Variants in CNTN3 observed in about 807,000 individuals in gnomAD.
CNTN3 encodes contactin-3.
A neutral mutation model predicts 119.1 loss-of-function variants in CNTN3; 60 were observed. That is an observed-to-expected ratio of 0.50 (90% CI 0.41 to 0.62). The LOEUF (loss-of-function observed/expected upper bound fraction) is 0.62, where lower values mean the gene tolerates loss of function less well. Among genes scored for constraint, CNTN3 ranks in the 20% least tolerant of loss-of-function variants. The pLI is 0.00. For missense variants in CNTN3, 1,101 were observed against 1,242.4 expected (o/e 0.89, Z 1.71); for synonymous variants, 450 against 438.7 (o/e 1.03, Z -0.32).
At chr3:74,544,702 G>A (rs1020416353) in intron 1 of CNTN3, among the ~76,000 whole-genome samples, 3 of 152,182 alleles carry the variant, frequency 2.0e-5, no homozygotes, top group East Asian at 1.9e-4. Flanking sequence ...AGGTTCAAGC[G>A]ATTCTCCTGC....
In CNTN3 at chr3:74,334,870, A is replaced by G; in HGVS notation, c.1533T>C (p.Val511=). ...RITLAPSNMD[V]SVGESVILPC... Reference sequence around the variant, plus strand: ...GCAATATGACGCTTTCACCAACAGAAACATCCATGTTAGATGGTGCCAAAG... The same window carrying G: ...GCAATATGACGCTTTCACCAACAGAGACATCCATGTTAGATGGTGCCAAAG... The change falls in exon 13 of 23, where the codon GTT becomes GTC. Residue 511 remains valine, a synonymous_variant. Coordinates refer to ENST00000263665, the MANE Select transcript of CNTN3 (RefSeq NM_020872.3). 1 of 1,613,612 alleles carries G rather than the reference A, an allele frequency of 6.2e-7. No individual in the cohort carries two copies. The highest frequency in any genetic ancestry group is 8.5e-7 in the Non-Finnish European group (1 of 1,179,700).
At chr3:74,575,704 G>A (rs532605920) in intron 1 of CNTN3, among the ~76,000 whole-genome samples, 2 of 151,476 alleles carry the variant, frequency 1.3e-5, no homozygotes, top group East Asian at 3.9e-4. Flanking sequence ...ATATTTGGGG[G>A]AAGACATCAA....
At chr3:74,466,133 C>A (rs574240757) in intron 4 of CNTN3, among the ~76,000 whole-genome samples, 4 of 152,222 alleles carry the variant, frequency 2.6e-5, no homozygotes, top group African/African-American at 9.6e-5. Context: ...CAAAAAGATG[C>A]TGTCAGAAGG....
intron 4 of CNTN3, among the ~76,000 whole-genome samples, chr3:74,451,691 A>G (rs1318736342): frequency 1.3e-5 from 2 of 151,296 alleles, no homozygotes; most frequent in Admixed American, 1.3e-4. Flanking sequence ...TGATTTTTGT[A>G]TAAGGTGTAA....
Position 74,346,654 on chromosome 3 carries a change from G to A in CNTN3, c.1365-9996C>T, listed in dbSNP as rs187780226. On this transcript the variant is annotated intron_variant, in intron 11 of 22. Coordinates refer to ENST00000263665, the MANE Select transcript of CNTN3 (RefSeq NM_020872.3). The stretch of plus-strand genomic sequence containing the variant: ...GTCCTCTCCAGGGATCACAATATAG[G>A]AGGCAGAAATCATCATTACCAATCT... Among the ~76,000 whole-genome samples, 466 of 152,138 alleles carry A rather than the reference G, an allele frequency of 3.1e-3. 2 individuals carry two copies. The highest frequency in any genetic ancestry group is 4.2e-3 in the Non-Finnish European group (289 of 68,014).
At chr3:74,518,308 T>C (rs1703485066) in intron 2 of CNTN3, among the ~76,000 whole-genome samples, 1 of 151,970 alleles carries the variant, frequency 6.6e-6, no homozygotes, top group Admixed American at 6.6e-5. Flanking sequence ...ATTTAAATGG[T>C]ATAAATGAAA....
intron 3 of CNTN3, among the ~76,000 whole-genome samples, chr3:74,488,176 G>A (rs191748344): frequency 1.3e-5 from 2 of 151,740 alleles, no homozygotes; most frequent in African/African-American, 4.8e-5. Flanking sequence ...TAGGTGGTGC[G>A]ATCTCAGCTC....
intron 4 of CNTN3, among the ~76,000 whole-genome samples, chr3:74,479,853 G>A (rs1291881670): frequency 1.3e-5 from 2 of 152,036 alleles, no homozygotes; most frequent in Non-Finnish European, 2.9e-5. Flanking sequence ...CAGAATATCT[G>A]ATTACATCTC....
intron 1 of CNTN3, among the ~76,000 whole-genome samples, chr3:74,552,933 A>G (rs1389477114): frequency 6.6e-6 from 1 of 150,890 alleles, no homozygotes; most frequent in African/African-American, 2.4e-5. Flanking sequence ...ATTAAACCTC[A>G]CTCCTTTCTT....
intron 11 of CNTN3, among the ~76,000 whole-genome samples, chr3:74,336,920 T>C (rs1442594371): frequency 1.3e-5 from 2 of 152,224 alleles, no homozygotes; most frequent in East Asian, 3.9e-4. Flanking sequence ...GCATTACTTA[T>C]TACACCAAAG....
chr3:74,524,855 T>C (rs902375942), intron 1 of CNTN3, among the ~76,000 whole-genome samples: 1 of 151,828 alleles, frequency 6.6e-6, no homozygotes, highest in Non-Finnish European at 1.5e-5. Flanking sequence ...AAATAGAATA[T>C]GCAAAGGCCC....
At chr3:74,607,579 G>A (rs1282456091) in intron 1 of CNTN3, among the ~76,000 whole-genome samples, 1 of 152,140 alleles carries the variant, frequency 6.6e-6, no homozygotes, top group Non-Finnish European at 1.5e-5. Flanking sequence ...GTAGCATGGG[G>A]AAGTCAACAC....
At chr3:74,302,424 A>C (rs1396358075) in intron 14 of CNTN3, among the ~76,000 whole-genome samples, 2 of 152,320 alleles carry the variant, frequency 1.3e-5, no homozygotes, top group East Asian at 3.9e-4. Context: ...ACAATCACTG[A>C]ATTAATGACA....
At chr3:74,596,080 T>C (rs1233663128) in intron 1 of CNTN3, among the ~76,000 whole-genome samples, 2 of 152,086 alleles carry the variant, frequency 1.3e-5, no homozygotes, top group African/African-American at 4.8e-5. Flanking sequence ...TGAACTCCCA[T>C]TCACAATTGC....
In CNTN3 at chr3:74,293,091, T is replaced by C. The variant is rs1180024081; in HGVS notation, c.2517+2030A>G. On this transcript the variant is annotated intron_variant, in intron 19 of 22. Transcript: ENST00000263665. ...TCTCTGTCAAGACCAGTGTTTATTA[T>C]GTTTAACTGTGCAGGAAGATGTTTC... 2.0e-5 allele frequency among the ~76,000 whole-genome samples: 3 copies of C among 152,348 alleles called. No homozygotes were observed. In the South Asian group the frequency reaches 6.2e-4, roughly 32 times the overall value.
At chr3:74,295,382 A>C in intron 18 of CNTN3, 146 bp from the exon 19 acceptor site, 1 of 529,358 alleles carries the variant, frequency 1.9e-6, no homozygotes, top group Non-Finnish European at 3.4e-6. Context: ...AAATAGAGAC[A>C]CTGGTCCATT....
At chr3:74,511,532 G>A (rs556154417) in intron 2 of CNTN3, among the ~76,000 whole-genome samples, 3 of 152,110 alleles carry the variant, frequency 2.0e-5, no homozygotes, top group Non-Finnish European at 4.4e-5. Flanking sequence ...TTAGCCTGGC[G>A]TGGTGGTGTG....
chr3:74,267,573 A>C, intron 20 of CNTN3, 195 bp from the exon 21 acceptor site: 1 of 511,206 alleles, frequency 2.0e-6, no homozygotes, highest in Admixed American at 3.2e-5. Flanking sequence ...CATTTCATTC[A>C]TACACCAAAC....
At chr3:74,393,125 A>G (rs1704957358) in intron 5 of CNTN3, among the ~76,000 whole-genome samples, 1 of 152,220 alleles carries the variant, frequency 6.6e-6, no homozygotes, top group African/African-American at 2.4e-5. Context: ...CTTCTATCCC[A>G]GTAATGGACT....
Sources: gnomAD v4.1 joint callset for allele counts (sites outside exome capture counted in the v4.1 genomes callset) on GRCh38, gnomAD v4.1.1 for gene constraint, MANE v1.5 for transcripts, NCBI Gene and HGNC (gene_info 2026-07-23, HGNC 2026-07-21) for gene names.